The following RSPO2 variants were observed in gnomAD, a reference collection of about 807,000 sequenced individuals.
The protein encoded by RSPO2 is R-spondin-2.
A neutral mutation model predicts 30.9 loss-of-function variants in RSPO2; 14 were observed. The ratio of observed to expected loss-of-function variants is 0.45; its 90% CI spans 0.30 to 0.71. The LOEUF (loss-of-function observed/expected upper bound fraction) is 0.71, where lower values mean the gene tolerates loss of function less well. Ranked by LOEUF, RSPO2 falls within the 30% of genes least tolerant of loss-of-function variation. The pLI, the probability that RSPO2 is intolerant of heterozygous loss-of-function variation, is 0.08. For synonymous variants in RSPO2, 107 were observed against 96.4 expected, an observed-to-expected ratio of 1.11 and a Z score of -0.64; for missense variants, 264 against 301.9, an observed-to-expected ratio of 0.87 and a Z score of 0.93.
intron 3 of RSPO2, among the ~76,000 whole-genome samples, chr8:107,963,521 T>TAAAAAAAAA (rs1456602158): frequency 1.2e-4 from 1 of 8,130 alleles, no homozygotes; most frequent in Non-Finnish European, 2.1e-4. Context: ...GAGACCTGTC[T>TAAAAAAAAA]CAAAAAAAAA....
At chr8:108,052,692 T>C (rs187162093) in intron 2 of RSPO2, among the ~76,000 whole-genome samples, 1 of 152,236 alleles carries the variant, frequency 6.6e-6, no homozygotes, top group East Asian at 1.9e-4. Flanking sequence ...TCCAATTAAT[T>C]CTCACGACAA....
At chr8:107,935,626 C>T (rs1185119216) in intron 5 of RSPO2, among the ~76,000 whole-genome samples, 1 of 151,990 alleles carries the variant, frequency 6.6e-6, no homozygotes, top group African/African-American at 2.4e-5. Flanking sequence ...TAAAATGGTG[C>T]CCTTCATGCT....
intron 5 of RSPO2, among the ~76,000 whole-genome samples, chr8:107,946,370 A>G (rs1813058290): frequency 6.6e-6 from 1 of 152,202 alleles, no homozygotes; most frequent in South Asian, 2.1e-4. Flanking sequence ...AGTAACTAGA[A>G]GACTAGTGAT....
chr8:108,052,351 A>T (rs1164780881), intron 2 of RSPO2, among the ~76,000 whole-genome samples: 1 of 152,238 alleles, frequency 6.6e-6, no homozygotes, highest in Non-Finnish European at 1.5e-5. Context: ...ATTTTGACAC[A>T]GACTTCCAAC....
intron 2 of RSPO2, among the ~76,000 whole-genome samples, chr8:108,012,196 T>G (rs1810729705): frequency 6.6e-6 from 1 of 152,214 alleles, no homozygotes; most frequent in African/African-American, 2.4e-5. Context: ...ACTGGTTTTT[T>G]AAACTACAGC....
At chr8:108,035,760 C>T (rs888689369) in intron 2 of RSPO2, among the ~76,000 whole-genome samples, 9 of 152,114 alleles carry the variant, frequency 5.9e-5, no homozygotes, top group Non-Finnish European at 1.2e-4. Context: ...CAATTCCTCA[C>T]CAGTTCTTAA....
chr8:107,981,519 A>G (rs1000288559), intron 3 of RSPO2, among the ~76,000 whole-genome samples: 3 of 135,100 alleles, frequency 2.2e-5, no homozygotes, highest in Non-Finnish European at 3.4e-5. Context: ...AGGCTGTCTC[A>G]GAAAAAAGAA....
At chr8:108,069,330 C>T (rs1211002373) in intron 2 of RSPO2, among the ~76,000 whole-genome samples, 1 of 152,142 alleles carries the variant, frequency 6.6e-6, no homozygotes, top group African/African-American at 2.4e-5. Flanking sequence ...TCTCCTGCCT[C>T]AGCCTCCCGA....
At chr8:108,066,170 C>T (rs897034865) in intron 2 of RSPO2, among the ~76,000 whole-genome samples, 24 of 152,186 alleles carry the variant, frequency 1.6e-4, no homozygotes, top group African/African-American at 5.5e-4. Context: ...AAACTTAATC[C>T]TTCTCAGGTG....
chr8:107,932,547 G>T (rs1387976306), intron 5 of RSPO2, among the ~76,000 whole-genome samples: 1 of 152,110 alleles, frequency 6.6e-6, no homozygotes. Context: ...AGGAGGAAAA[G>T]ATAATAAACA....
intron 1 of RSPO2, 118 bp downstream of exon 1, chr8:108,083,079 G>A (rs1813266268): frequency 1.2e-5 from 2 of 164,814 alleles, no homozygotes; most frequent in African/African-American, 4.8e-5. Flanking sequence ...CCGGGGAAAG[G>A]AAAGAACTCT....
chr8:107,985,719 G>C (rs1195458134), intron 3 of RSPO2, among the ~76,000 whole-genome samples: 1 of 152,104 alleles, frequency 6.6e-6, no homozygotes, highest in South Asian at 2.1e-4. Context: ...TTATGTAAAT[G>C]ATTTCATTAA....
intron 3 of RSPO2, among the ~76,000 whole-genome samples, chr8:107,967,436 T>C (rs1813841467): frequency 6.6e-6 from 1 of 152,194 alleles, no homozygotes; most frequent in African/African-American, 2.4e-5. Flanking sequence ...AGACTATGTA[T>C]TGATAAAAAT....
rs754722790 is a variant in RSPO2 at position 107,945,241 on chromosome 8, C to CTTTTTT, written c.616+12833_616+12838dup. On this transcript the variant is annotated intron_variant, in intron 5 of 5. Coordinates refer to ENST00000276659, the MANE Select transcript of RSPO2 (RefSeq NM_178565.5). ...TTATCTCCTGAGTTCATTCTTTTAC[C>CTTTTTT]TTTTTTTTTTTTTTTTTTTTTTTTT... 5.6e-4 allele frequency among the ~76,000 whole-genome samples: 42 copies of CTTTTTT among 74,832 alleles called. 1 individual carries two copies. Among genetic ancestry groups the CTTTTTT allele is most frequent in the African/African-American group, 7.8e-4 (14 of 18,056 alleles). The allele number at this position is 74,832 out of a possible 152,430, so 49.1% of individuals were successfully genotyped here.
At chr8:107,910,636 T>G (rs868779491) in intron 5 of RSPO2, among the ~76,000 whole-genome samples, 27 of 152,176 alleles carry the variant, frequency 1.8e-4, no homozygotes, top group African/African-American at 6.5e-4. Flanking sequence ...GGATGTATGC[T>G]CCACAAAGAA....
At chr8:108,024,301 C>CCCA (rs1398109861) in intron 2 of RSPO2, among the ~76,000 whole-genome samples, 2 of 152,058 alleles carry the variant, frequency 1.3e-5, no homozygotes, top group East Asian at 3.9e-4. Flanking sequence ...AACCTAAATG[C>CCCA]CCACACACAG....
At chr8:107,929,176 T>G (rs1563525187) in intron 5 of RSPO2, among the ~76,000 whole-genome samples, 1 of 152,218 alleles carries the variant, frequency 6.6e-6, no homozygotes, top group Non-Finnish European at 1.5e-5. Context: ...TGGGATCCAT[T>G]TTACATCCTC....
At chr8:108,013,561 T>A (rs1348623476) in intron 2 of RSPO2, among the ~76,000 whole-genome samples, 1 of 152,160 alleles carries the variant, frequency 6.6e-6, no homozygotes, top group Non-Finnish European at 1.5e-5. Context: ...TCTACAACAA[T>A]CTGATCTTTG....
At chr8:108,076,444 TGAG>T (rs1221151519) in intron 2 of RSPO2, among the ~76,000 whole-genome samples, 1 of 152,080 alleles carries the variant, frequency 6.6e-6, no homozygotes, top group African/African-American at 2.4e-5. Flanking sequence ...TGCTGGAGGA[TGAG>T]GAGTCTATGA....
Sources: allele counts gnomAD v4.1 joint callset (sites outside exome capture counted in the v4.1 genomes callset), GRCh38; gene constraint gnomAD v4.1.1; transcripts MANE v1.5; gene names NCBI Gene and HGNC (gene_info 2026-07-23, HGNC 2026-07-21).